The following PDE4B variants were observed in gnomAD, a reference collection of about 807,000 sequenced individuals.
PDE4B encodes the protein phosphodiesterase 4B.
A neutral mutation model predicts 82.2 loss-of-function variants in PDE4B; 20 were observed. The ratio of observed to expected loss-of-function variants is 0.24; its 90% CI spans 0.17 to 0.35. PDE4B has a LOEUF of 0.35. Among genes scored for constraint, PDE4B ranks in the 10% least tolerant of loss-of-function variants. The pLI is 1.00. For missense variants in PDE4B, 655 were observed against 907.2 expected (o/e 0.72, Z 3.57); for synonymous variants, 320 against 318.9 (o/e 1.00, Z -0.04).
chr1:66,042,022 T>C (rs1055965824), intron 3 of PDE4B, among the ~76,000 whole-genome samples: 38 of 151,896 alleles, frequency 2.5e-4, no homozygotes, highest in African/African-American at 8.9e-4. Flanking sequence ...AACTTCTTGA[T>C]TCTATTTTTA....
intron 1 of PDE4B, among the ~76,000 whole-genome samples, chr1:65,820,998 C>T (rs971891384): frequency 5.3e-5 from 8 of 152,130 alleles, no homozygotes; most frequent in Admixed American, 2.0e-4. Context: ...TTCCTTAGAG[C>T]CTCAGAATTC....
intron 3 of PDE4B, among the ~76,000 whole-genome samples, chr1:65,978,458 T>C (rs1443619036): frequency 2.0e-5 from 3 of 152,196 alleles, no homozygotes; most frequent in Non-Finnish European, 1.5e-5. Context: ...TTCTCAAGGA[T>C]GATGAAGAAC....
At chr1:65,913,065 G>A (rs1176955096) in intron 1 of PDE4B, among the ~76,000 whole-genome samples, 180 bp from the exon 2 acceptor site, 2 of 151,962 alleles carry the variant, frequency 1.3e-5, no homozygotes, top group African/African-American at 4.8e-5. Flanking sequence ...TTGGATTTTT[G>A]TATTAATATT....
At chr1:65,946,111 C>A (rs1208427444) in intron 3 of PDE4B, among the ~76,000 whole-genome samples, 3 of 152,024 alleles carry the variant, frequency 2.0e-5, no homozygotes, top group Non-Finnish European at 2.9e-5. Flanking sequence ...CCCTCATCAA[C>A]AGGTCACAGG....
rs182074088 is a variant in PDE4B, at chr1:65,894,306, A to G, written c.-70-18939A>G. Among the ~76,000 whole-genome samples the G allele has an allele frequency of 7.7e-4, 117 of 152,316 alleles. 1 individual carries two copies. The highest frequency in any genetic ancestry group is 2.7e-3 in the African/African-American group (111 of 41,584). On this transcript the variant is annotated intron_variant, in intron 1 of 16. Coordinates refer to ENST00000341517, the MANE Select transcript of PDE4B (RefSeq NM_002600.4). ...TAAGTAACTTAAAGAGGAAAAAGGT[A>G]GTATTTTCAACAATTAATGTTGGAT...
At chr1:65,988,219 A>G (rs943930485) in intron 3 of PDE4B, among the ~76,000 whole-genome samples, 2 of 152,256 alleles carry the variant, frequency 1.3e-5, no homozygotes, top group African/African-American at 4.8e-5. Context: ...ATTCTTTTAA[A>G]GAGTTGCCAG....
Position 66,074,425 on chromosome 1 carries a change from G to A in PDE4B, c.281+155590G>A, listed in dbSNP as rs189498187. ...ACAAAAGAGAACAAAGCCCATGCTC[G>A]TTGAAAACCTAAGTCCTATGAGCAA... On this transcript the variant is annotated intron_variant, in intron 3 of 16. Transcript: ENST00000341517. Among the ~76,000 whole-genome samples the A allele has an allele frequency of 2.6e-3, 391 of 152,198 alleles. 4 individuals carry two copies. The highest frequency in any genetic ancestry group is 0.017 in the Admixed American group (263 of 15,272).
In PDE4B at chr1:65,918,830, G is replaced by A. The variant is rs768305122; in HGVS notation, c.276G>A (p.Gln92=). 5 of 1,573,056 alleles carry A rather than the reference G, an allele frequency of 3.2e-6. No individual in the cohort carries two copies. Among genetic ancestry groups the A allele is most frequent in the Non-Finnish European group, 1.8e-6 (2 of 1,142,754 alleles). ...LPSIAITTVS[Q]ECFDVENGPS... is the part of the protein sequence containing the mutation. ...GCATTGCTATTACAACTGTAAGCCA[G>A]GAGTGGTGAGTAGCCTCAAAATCAA... Residue 92 remains glutamine (Q), a synonymous_variant, in exon 3 of 17, where the codon CAG becomes CAA. Transcript: ENST00000341517.
chr1:65,844,304 C>A (rs1347134641), intron 1 of PDE4B, among the ~76,000 whole-genome samples: 1 of 152,066 alleles, frequency 6.6e-6, no homozygotes, highest in Non-Finnish European at 1.5e-5. Context: ...TTCAGGTATC[C>A]TACAATTTAG....
intron 3 of PDE4B, among the ~76,000 whole-genome samples, chr1:66,122,479 C>A (rs1645729478): frequency 6.6e-6 from 1 of 151,928 alleles, no homozygotes; most frequent in South Asian, 2.1e-4. Context: ...ATATAGAATC[C>A]ACAACCTAGA....
intron 3 of PDE4B, among the ~76,000 whole-genome samples, chr1:66,128,003 T>C (rs1005658836): frequency 6.6e-6 from 1 of 152,208 alleles, no homozygotes; most frequent in Non-Finnish European, 1.5e-5. Flanking sequence ...GTCTATACTT[T>C]AAATCATGTA....
At chr1:66,276,239 A>G (rs1367459504) in intron 7 of PDE4B, among the ~76,000 whole-genome samples, 3 of 152,212 alleles carry the variant, frequency 2.0e-5, no homozygotes, top group Non-Finnish European at 4.4e-5. Flanking sequence ...TAATTCTCCA[A>G]ACTAAACTTC....
At chr1:65,944,083 C>G (rs1286015947) in intron 3 of PDE4B, among the ~76,000 whole-genome samples, 4 of 151,858 alleles carry the variant, frequency 2.6e-5, no homozygotes, top group African/African-American at 9.7e-5. Context: ...AGAGGGAAAG[C>G]TTTTGACTTT....
intron 1 of PDE4B, among the ~76,000 whole-genome samples, chr1:65,882,536 T>C (rs1249035454): frequency 1.3e-5 from 2 of 152,192 alleles, no homozygotes; most frequent in African/African-American, 4.8e-5. Flanking sequence ...TAAGTAATTA[T>C]GGTGAAGACA....
chr1:66,052,090 A>G (rs1201107866), intron 3 of PDE4B, among the ~76,000 whole-genome samples: 7 of 152,200 alleles, frequency 4.6e-5, no homozygotes, highest in Non-Finnish European at 8.8e-5. Flanking sequence ...TGAGTCCAAC[A>G]AGACAGTTCT....
chr1:66,252,376 T>TA (rs1273517654), intron 4 of PDE4B, among the ~76,000 whole-genome samples: 1 of 152,184 alleles, frequency 6.6e-6, no homozygotes, highest in Non-Finnish European at 1.5e-5. Flanking sequence ...CCCTTCAACT[T>TA]ACAATGTCCC....
chr1:66,136,113 A>G (rs1646050004), intron 3 of PDE4B, among the ~76,000 whole-genome samples: 1 of 152,116 alleles, frequency 6.6e-6, no homozygotes, highest in Non-Finnish European at 1.5e-5. Flanking sequence ...TAGGCTGGCT[A>G]CTTACAGCCC....
At chr1:65,990,421 T>G (rs189360064) in intron 3 of PDE4B, among the ~76,000 whole-genome samples, 2 of 152,318 alleles carry the variant, frequency 1.3e-5, no homozygotes, top group Non-Finnish European at 2.9e-5. Context: ...TTCAAATTGC[T>G]GGGGTTTTTT....
At chr1:66,133,205 T>C (rs892926017) in intron 3 of PDE4B, among the ~76,000 whole-genome samples, 14 of 152,210 alleles carry the variant, frequency 9.2e-5, no homozygotes, top group African/African-American at 2.9e-4. Flanking sequence ...ATTCTCTTTG[T>C]ACAGTGCTAT....
Sources: gnomAD v4.1 joint callset for allele counts (sites outside exome capture counted in the v4.1 genomes callset) on GRCh38, gnomAD v4.1.1 for gene constraint, MANE v1.5 for transcripts, NCBI Gene and HGNC (gene_info 2026-07-23, HGNC 2026-07-21) for gene names.